LPAR1: variants seen among roughly 807,000 people sequenced by gnomAD.
LPAR1 encodes the protein lysophosphatidic acid receptor 1.
A neutral mutation model predicts 23.8 loss-of-function variants in LPAR1; 5 were observed. That is an observed-to-expected ratio of 0.21 (90% CI 0.11 to 0.44). LPAR1 has a LOEUF of 0.44. Ranked by LOEUF, LPAR1 falls within the 20% of genes least tolerant of loss-of-function variation. The pLI, the probability that LPAR1 is intolerant of heterozygous loss-of-function variation, is 0.99. For synonymous variants in LPAR1, 160 were observed against 164.7 expected, an observed-to-expected ratio of 0.97 and a Z score of 0.22; for missense variants, 311 against 482.8, an observed-to-expected ratio of 0.64 and a Z score of 3.33.
At chr9:110,895,793 G>A (rs1398866346) in intron 5 of LPAR1, among the ~76,000 whole-genome samples, 2 of 151,984 alleles carry the variant, frequency 1.3e-5, no homozygotes, top group Non-Finnish European at 2.9e-5. Context: ...GAACAGTTCT[G>A]GCTAAAAAAC....
At chr9:111,031,173 A>T (rs1341076954) in intron 2 of LPAR1, among the ~76,000 whole-genome samples, 1 of 152,084 alleles carries the variant, frequency 6.6e-6, no homozygotes, top group East Asian at 1.9e-4. Flanking sequence ...CCTGGTTGGG[A>T]TGCATTTTAT....
chr9:110,973,592 T>C (rs924617837), intron 2 of LPAR1, 34 bp from the exon 3 acceptor site: 1 of 152,136 alleles, frequency 6.6e-6, no homozygotes, highest in Non-Finnish European at 1.5e-5. Flanking sequence ...TAAAATCCTT[T>C]TGACATCCTC....
chr9:110,875,732 C>A lies in LPAR1; in HGVS notation c.794-10G>T. 1 of 1,531,490 alleles carries A rather than the reference C, an allele frequency of 6.5e-7. No homozygotes were observed. The highest frequency in any genetic ancestry group is 8.9e-7 in the Non-Finnish European group (1 of 1,128,716). 94.9% of individuals were successfully genotyped at this position (1,531,490 alleles called of 1,614,324 possible). On this transcript the variant is annotated splice_polypyrimidine_tract_variant and intron_variant, in intron 5 of 5. Coordinates refer to ENST00000683809, the MANE Select transcript of LPAR1 (RefSeq NM_001351411.2). Reference sequence around the variant, plus strand: ...CAGATGATAAAGGCCCCTACAAGGACAAGGATAGGGATCAGAAGGATTTTT... The same window carrying A: ...CAGATGATAAAGGCCCCTACAAGGAAAAGGATAGGGATCAGAAGGATTTTT...
chr9:110,879,244 C>T (rs554449350), intron 5 of LPAR1, among the ~76,000 whole-genome samples: 10 of 151,824 alleles, frequency 6.6e-5, no homozygotes, highest in East Asian at 1.9e-4. Flanking sequence ...ACGGTGAAAC[C>T]GCATCTCTAC....
chr9:110,939,641 C>A (rs553029524), intron 5 of LPAR1, among the ~76,000 whole-genome samples: 1 of 152,228 alleles, frequency 6.6e-6, no homozygotes, highest in Non-Finnish European at 1.5e-5. Flanking sequence ...TTATTTCAAC[C>A]TGAAAAACAA....
chr9:111,014,537 C>T (rs963190911), intron 2 of LPAR1, among the ~76,000 whole-genome samples: 18 of 152,022 alleles, frequency 1.2e-4, no homozygotes, highest in African/African-American at 4.3e-4. Context: ...CTAGACCCAT[C>T]CTCTCAACCT....
chr9:110,980,813 T>A (rs1380646312), intron 2 of LPAR1, among the ~76,000 whole-genome samples: 3 of 151,986 alleles, frequency 2.0e-5, no homozygotes, highest in Admixed American at 6.6e-5. Context: ...ATGATGAAGG[T>A]TTGAGGTGAT....
intron 5 of LPAR1, among the ~76,000 whole-genome samples, chr9:110,898,355 A>G (rs2087228501): frequency 6.6e-6 from 1 of 152,244 alleles, no homozygotes; most frequent in Non-Finnish European, 1.5e-5. Context: ...CTACATATGA[A>G]GTAAAAACTT....
At chr9:110,929,624 C>T (rs1438393903) in intron 5 of LPAR1, among the ~76,000 whole-genome samples, 1 of 151,150 alleles carries the variant, frequency 6.6e-6, no homozygotes, top group Non-Finnish European at 1.5e-5. Flanking sequence ...ATATGGAAGC[C>T]TATAAGACAA....
chr9:110,958,237 T>C (rs2095827657), intron 4 of LPAR1, among the ~76,000 whole-genome samples: 1 of 152,070 alleles, frequency 6.6e-6, no homozygotes, highest in Non-Finnish European at 1.5e-5. Flanking sequence ...ATCCCAAAAT[T>C]CATACAGAAC....
intron 4 of LPAR1, among the ~76,000 whole-genome samples, chr9:110,963,782 C>T (rs2096090321): frequency 6.6e-6 from 1 of 152,136 alleles, no homozygotes; most frequent in East Asian, 1.9e-4. Flanking sequence ...GTTATTTTTG[C>T]CATTTAAACT....
chr9:110,903,056 A>G (rs1450909028), intron 5 of LPAR1, among the ~76,000 whole-genome samples: 1 of 152,224 alleles, frequency 6.6e-6, no homozygotes, highest in Non-Finnish European at 1.5e-5. Flanking sequence ...CTACTAAAAC[A>G]AAAGATTTAA....
At chr9:110,993,718 T>TTAATTAATTAATTAATTAA (rs2096940868) in intron 2 of LPAR1, among the ~76,000 whole-genome samples, 2 of 152,188 alleles carry the variant, frequency 1.3e-5, no homozygotes, top group African/African-American at 4.8e-5. Flanking sequence ...CACTTACATC[T>TTAATTAATTAATTAATTAA]TCGTCTCTTA....
At position 110,892,211 on chromosome 9, in the gene LPAR1, A is replaced by C. The variant is rs557793523; in HGVS notation, c.794-16489T>G. ...TGGAATACTAGTCTGTAATAGAAACAAACTATCAATATATGCAACAACATG... is the reference window on the plus strand; with the variant it reads ...TGGAATACTAGTCTGTAATAGAAACCAACTATCAATATATGCAACAACATG... On this transcript the variant is annotated intron_variant, in intron 5 of 5. Transcript: ENST00000683809. Among the ~76,000 whole-genome samples the C allele has an allele frequency of 2.6e-5, 4 of 152,378 alleles. No individual in the cohort carries two copies. In the East Asian group the frequency reaches 5.8e-4, roughly 22 times the overall value.
chr9:110,956,653 T>C (rs151194049), intron 4 of LPAR1, among the ~76,000 whole-genome samples: 65 of 152,080 alleles, frequency 4.3e-4, no homozygotes, highest in Middle Eastern at 3.4e-3. Context: ...ATCAGACTAT[T>C]ATAAACAACT....
At chr9:110,877,889 G>T (rs1201548020) in intron 5 of LPAR1, among the ~76,000 whole-genome samples, 2 of 152,200 alleles carry the variant, frequency 1.3e-5, no homozygotes, top group South Asian at 2.1e-4. Flanking sequence ...AAAAGTGAGA[G>T]AATTCAAACA....
At chr9:110,961,484 G>A (rs2095979341) in intron 4 of LPAR1, among the ~76,000 whole-genome samples, 1 of 151,892 alleles carries the variant, frequency 6.6e-6, no homozygotes, top group Non-Finnish European at 1.5e-5. Context: ...GCCAGGTGTA[G>A]TGGCACACAC....
At chr9:110,997,408 G>A (rs7858849) in intron 2 of LPAR1, among the ~76,000 whole-genome samples, 1,589 of 152,228 alleles carry the variant, frequency 0.01, 23 homozygotes, top group African/African-American at 0.036. Context: ...GAAGAGTTGC[G>A]TATTAACTAT....
rs116581397 is a variant in LPAR1 at position 111,004,144 on chromosome 9, G to A, written c.-181-30586C>T. On this transcript the variant is annotated intron_variant, in intron 2 of 5. Transcript: ENST00000683809. ...GAAATGCATGTCTTGATCCTCCAGTGATAGTCACCGTCACCAATTTTGGCT... is the reference window on the plus strand; with the variant it reads ...GAAATGCATGTCTTGATCCTCCAGTAATAGTCACCGTCACCAATTTTGGCT... 4.6e-3 allele frequency among the ~76,000 whole-genome samples: 708 copies of A among 152,294 alleles called. 12 individuals are homozygous for A. The highest frequency in any genetic ancestry group is 0.016 in the African/African-American group (685 of 41,556).
Sources: gnomAD v4.1 joint callset for allele counts (sites outside exome capture counted in the v4.1 genomes callset) on GRCh38, gnomAD v4.1.1 for gene constraint, MANE v1.5 for transcripts, NCBI Gene and HGNC (gene_info 2026-07-23, HGNC 2026-07-21) for gene names.